The following TET3 variants were observed in gnomAD, a reference collection of about 807,000 sequenced individuals.
TET3 encodes tet methylcytosine dioxygenase 3, also known as methylcytosine dioxygenase TET3.
TET3 carries 19 observed loss-of-function variants against 141.4 expected under a neutral mutation model. That is an observed-to-expected ratio of 0.13 (90% CI 0.09 to 0.20). TET3 has a LOEUF of 0.20. Among genes scored for constraint, TET3 ranks in the 10% least tolerant of loss-of-function variants. The probability of loss-of-function intolerance (pLI) is 1.00; values close to 1 mark genes in which losing one functional copy is unlikely to be tolerated. For missense variants in TET3, 1,874 were observed against 2,356.9 expected, an observed-to-expected ratio of 0.80 and a Z score of 4.24; for synonymous variants, 1,043 against 980.9, an observed-to-expected ratio of 1.06 and a Z score of -1.18.
intron 2 of TET3, among the ~76,000 whole-genome samples, chr2:74,001,982 G>A (rs1684870443): frequency 6.6e-6 from 1 of 151,984 alleles, no homozygotes; most frequent in Non-Finnish European, 1.5e-5. Context: ...CCTAGAGTGA[G>A]GTGTGGGTGT....
the TET3 span, among the ~76,000 whole-genome samples, chr2:74,127,630 A>G: frequency 6.6e-6 from 1 of 152,222 alleles, no homozygotes; most frequent in South Asian, 2.1e-4. Context: ...GTAAAAGCCT[A>G]AAACGGGGCA....
In TET3 at chr2:74,047,495, C is replaced by A. The variant is rs371908309; in HGVS notation, c.1578C>A (p.Thr526=). The change falls in exon 4 of 12, where the codon ACC becomes ACA. Residue 526 remains threonine, a synonymous_variant. Coordinates refer to ENST00000409262, the MANE Select transcript of TET3 (RefSeq NM_001287491.2). ...CCGACACCCACCAGAAGGCCCAGAC[C>A]GCCCTGCAGCAGCACCTCCACCACA... ...SEPDTHQKAQ[T]ALQQHLHHKR... 3 of 1,612,860 alleles carry A rather than the reference C, an allele frequency of 1.9e-6. No individual in the cohort carries two copies. Among genetic ancestry groups the A allele is most frequent in the Non-Finnish European group, 2.5e-6 (3 of 1,179,870 alleles).
At chr2:74,036,366 CAT>C (rs1558733893) in intron 3 of TET3, among the ~76,000 whole-genome samples, 3 of 152,142 alleles carry the variant, frequency 2.0e-5, no homozygotes, top group Non-Finnish European at 4.4e-5. Context: ...AGTATTTTTT[CAT>C]ATGTTTATTC....
chr2:74,020,571 G>A (rs890514708), intron 3 of TET3, among the ~76,000 whole-genome samples: 1 of 152,194 alleles, frequency 6.6e-6, no homozygotes, highest in Non-Finnish European at 1.5e-5. Flanking sequence ...AATTCACTCT[G>A]TACCCTTGGC....
intron 3 of TET3, among the ~76,000 whole-genome samples, chr2:74,026,880 C>T (rs1343002981): frequency 6.6e-6 from 1 of 152,226 alleles, no homozygotes; most frequent in Non-Finnish European, 1.5e-5. Context: ...TCATCTCTCT[C>T]TTCCCCAACC....
intron 2 of TET3, among the ~76,000 whole-genome samples, chr2:73,991,779 T>C (rs923710656): frequency 3.0e-4 from 35 of 117,966 alleles, no homozygotes; most frequent in African/African-American, 1.0e-3. Flanking sequence ...CACTCCAACC[T>C]GGGCAACAAG....
chr2:74,094,787 A>C (rs1312269880), intron 10 of TET3, among the ~76,000 whole-genome samples: 2 of 152,204 alleles, frequency 1.3e-5, no homozygotes, highest in African/African-American at 4.8e-5. Context: ...TTGCTTCAGC[A>C]TCTGGGTGAG....
intron 4 of TET3, among the ~76,000 whole-genome samples, chr2:74,056,578 T>G (rs1210919946): frequency 1.3e-5 from 2 of 152,032 alleles, no homozygotes; most frequent in African/African-American, 4.8e-5. Flanking sequence ...CTCTCAGTGG[T>G]CAAAACAAGA....
intron 4 of TET3, among the ~76,000 whole-genome samples, chr2:74,059,290 T>G (rs766757831): frequency 6.6e-6 from 1 of 152,260 alleles, no homozygotes; most frequent in Non-Finnish European, 1.5e-5. Flanking sequence ...TCTCGCTGTG[T>G]TGACCAGGCT....
At position 74,047,434 on chromosome 2, in the gene TET3, T is replaced by C; in HGVS notation, c.1517T>C (p.Val506Ala). 1 of 1,612,706 alleles carries C rather than the reference T, an allele frequency of 6.2e-7. No homozygotes were observed. Among genetic ancestry groups the C allele is most frequent in the Non-Finnish European group, 8.5e-7 (1 of 1,179,742 alleles). Residue 506 changes from valine to alanine, a missense_variant, in exon 4 of 12, where the codon GTA (valine) becomes GCA (alanine). Physicochemically the swap from Val to Ala is moderately conservative, Grantham distance 64. Around this residue, in one of 10 missense-constraint regions of TET3, gnomAD observed 484 missense variants for 462.2 expected, o/e 1.05. Coordinates refer to ENST00000409262, the MANE Select transcript of TET3 (RefSeq NM_001287491.2). ...SSSPAPAPSP[V>A]LQREAPTPSS... is the part of the protein sequence containing the mutation. ...TCCCCGGCCCCGGCCCCATCCCCTG[T>C]ACTTCAGAGGGAGGCTCCCACGCCA...
intron 6 of TET3, among the ~76,000 whole-genome samples, chr2:74,084,515 C>T (rs570680281): frequency 1.1e-4 from 17 of 151,652 alleles, no homozygotes; most frequent in African/African-American, 3.1e-4. Context: ...TGCAGTGGCA[C>T]GATCTTGGCT....
At chr2:74,001,770 C>G (rs1233923423) in intron 2 of TET3, among the ~76,000 whole-genome samples, 8 of 152,186 alleles carry the variant, frequency 5.3e-5, no homozygotes, top group African/African-American at 1.7e-4. Context: ...AAGGCTGAGT[C>G]TGGAAACTGG....
chr2:74,117,993 C>A, the TET3 span, among the ~76,000 whole-genome samples: 1 of 152,150 alleles, frequency 6.6e-6, no homozygotes, highest in African/African-American at 2.4e-5. Context: ...ATCCACCCAC[C>A]TCAGTCTCCC....
the TET3 span, among the ~76,000 whole-genome samples, chr2:74,123,555 G>A: frequency 2.0e-5 from 3 of 152,334 alleles, no homozygotes; most frequent in African/African-American, 4.8e-5. Context: ...CCCCAGAGAG[G>A]AGTGGGAAAT....
At chr2:74,055,071 A>G (rs902099655) in intron 4 of TET3, among the ~76,000 whole-genome samples, 1 of 151,756 alleles carries the variant, frequency 6.6e-6, no homozygotes, top group Non-Finnish European at 1.5e-5. Context: ...AATTTTTTAA[A>G]TTTTTTGTAG....
At chr2:74,062,000 C>T (rs1386560264) in intron 4 of TET3, among the ~76,000 whole-genome samples, 1 of 152,164 alleles carries the variant, frequency 6.6e-6, no homozygotes. Flanking sequence ...AGAGACGCTC[C>T]TCACTTCCCA....
At chr2:74,028,544 C>G (rs1341992104) in intron 3 of TET3, among the ~76,000 whole-genome samples, 1 of 152,086 alleles carries the variant, frequency 6.6e-6, no homozygotes, top group African/African-American at 2.4e-5. Flanking sequence ...CCAGTTGTCC[C>G]AATTAAAAGA....
chr2:74,014,359 G>T (rs958367138), intron 3 of TET3, among the ~76,000 whole-genome samples: 1 of 152,040 alleles, frequency 6.6e-6, no homozygotes, highest in African/African-American at 2.4e-5. Context: ...GATATACCCA[G>T]CATGAGAATT....
chr2:74,057,230 C>T (rs559918135), intron 4 of TET3, among the ~76,000 whole-genome samples: 45 of 152,284 alleles, frequency 3.0e-4, no homozygotes, highest in African/African-American at 1.1e-3. Context: ...TCAGAGTGAC[C>T]AGCTCAGTCC....
Sources: allele counts gnomAD v4.1 joint callset (sites outside exome capture counted in the v4.1 genomes callset), GRCh38; gene constraint gnomAD v4.1.1; regional missense constraint gnomAD v4.1.1; transcripts MANE v1.5; gene names NCBI Gene and HGNC (gene_info 2026-07-23, HGNC 2026-07-21).